Variants in KCNA7 observed in about 807,000 individuals in gnomAD.
The protein encoded by KCNA7 is potassium channel, voltage gated shaker related subfamily A, member 7.
In KCNA7, 15 loss-of-function variants were observed where a neutral mutation model predicts 21.5. The ratio of observed to expected loss-of-function variants is 0.70; its 90% confidence interval spans 0.47 to 1.07. KCNA7 has a LOEUF of 1.07. KCNA7 is among the 50% of genes least tolerant of loss of function. KCNA7 has a pLI of 0.00. For missense variants in KCNA7, 640 were observed against 651.6 expected (o/e 0.98, Z 0.19); for synonymous variants, 298 against 291.0 (o/e 1.02, Z -0.24).
Position 49,071,975 on chromosome 19 carries a change from A to AC in KCNA7, c.555+55dup, listed in dbSNP as rs979894887. The stretch of plus-strand genomic sequence containing the variant: ...TTATGATTGGCCAGGTCCCCTCTGG[A>AC]CCCCGCCCATCTCCTCCCAAACCCC... On this transcript the variant is annotated intron_variant, in intron 1 of 1. Transcript: ENST00000221444. 1.1e-5 allele frequency: 15 copies of AC among 1,374,860 alleles called. No individual in the cohort carries two copies. The Admixed American group carries it at 3.4e-4, about 31-fold the overall frequency. 85.2% of individuals were successfully genotyped at this position (1,374,860 alleles called of 1,614,324 possible).
At chr19:49,071,116 C>T (rs2040254904) in intron 1 of KCNA7, among the ~76,000 whole-genome samples, 1 of 152,104 alleles carries the variant, frequency 6.6e-6, no homozygotes, top group Non-Finnish European at 1.5e-5. Flanking sequence ...CCTGCCCCTT[C>T]ATGCGTGGGA....
Position 49,070,387 on chromosome 19 carries a change from G to C in KCNA7, c.1047C>G (p.Phe349Leu). The stretch of plus-strand genomic sequence containing the variant: ...TAGTCATGGTGACTACCGCCCACCA[G>C]AAGGACTCAGGGATGCTAGTGAAAT... ...DSHFTSIPES[F>L]WWAVVTMTTV... Residue 349 changes from phenylalanine (F) to leucine (L), a missense_variant, in exon 2 of 2, where the codon TTC (phenylalanine) becomes TTG (leucine). Physicochemically the swap from Phe to Leu is conservative, Grantham distance 22 (BLOSUM62 0). Coordinates refer to ENST00000221444, the MANE Select transcript of KCNA7 (RefSeq NM_031886.3). This position sits in a 1 kb window ranked among gnomAD's most constrained non-coding sequence, Gnocchi z 4.3. The C allele has an allele frequency of 6.2e-7, 1 of 1,614,122 alleles. No individual in the cohort carries two copies. Among genetic ancestry groups the C allele is most frequent in the South Asian group, 1.1e-5 (1 of 91,090 alleles).
At chr19:49,071,908 C>CCCCCCTT in intron 1 of KCNA7, 123 bp downstream of exon 1, 1 of 926,960 alleles carries the variant, frequency 1.1e-6, no homozygotes, top group South Asian at 1.6e-5. Context: ...CCCGCCCACC[C>CCCCCCTT]TGTCTTCGGC....
intron 1 of KCNA7, among the ~76,000 whole-genome samples, chr19:49,071,788 C>T (rs921692730): frequency 2.6e-5 from 4 of 152,160 alleles, no homozygotes; most frequent in Non-Finnish European, 4.4e-5. Flanking sequence ...TTCCTGTCCT[C>T]CTACCCCTTG....
At position 49,070,274 on chromosome 19, in the gene KCNA7, G is replaced by A. The variant is rs1484103918; in HGVS notation, c.1160C>T (p.Ser387Phe). 6.2e-7 allele frequency: 1 copy of A among 1,614,192 alleles called. No individual in the cohort carries two copies. Among genetic ancestry groups the A allele is most frequent in the Non-Finnish European group, 8.5e-7 (1 of 1,180,030 alleles). The part of the protein sequence containing the change: ...LCAIAGVLTI[S>F]LPVPVIVSNF... ...GGAGACAATGACGGGCACTGGCAGG[G>A]AAATAGTCAGCACGCCCGCAATGGC... The change falls in exon 2 of 2, where the codon TCC becomes TTC. Residue 387 changes from serine to phenylalanine, a missense_variant. By Grantham distance (155) the Ser-to-Phe change is radical (BLOSUM62 -2). Coordinates refer to ENST00000221444, the MANE Select transcript of KCNA7 (RefSeq NM_031886.3). This position sits in a 1 kb window ranked among gnomAD's most constrained non-coding sequence, Gnocchi z 4.3.
At chr19:49,071,995 A>C (rs2040260825) in intron 1 of KCNA7, 36 bp downstream of exon 1, 1 of 1,508,022 alleles carries the variant, frequency 6.6e-7, no homozygotes, top group Non-Finnish European at 9.0e-7. Flanking sequence ...TCTCCTCCCA[A>C]ACCCCGCCCG....
chr19:49,070,171 A>G lies in KCNA7; in HGVS notation c.1263T>C (p.Cys421=), dbSNP rs762315865. 8 of 1,614,064 alleles carry G rather than the reference A, an allele frequency of 5.0e-6. No homozygotes were observed. The African/African-American group carries it at 9.3e-5, about 19-fold the overall frequency. ...GMFSHVDMQP[C]GPLEGKANGG... ...CATTGGCCTTGCCCTCCAGTGGGCC[A>G]CAAGGCTGCATGTCCACATGGCTGA... Residue 421 remains cysteine (C), a synonymous_variant, in exon 2 of 2, where the codon TGT becomes TGC. Transcript: ENST00000221444. The surrounding 1 kb of genome is among the most constrained non-coding windows in gnomAD (Gnocchi z 4.3).
chr19:49,070,833 G>A lies in KCNA7; in HGVS notation c.601C>T (p.Pro201Ser), dbSNP rs779961799. ...AACGGGTCATTGAAGGGCAGGCGGG[G>A]TGGATTTCCAGGCATTTGGCTGGAG... ...NGSSQMPGNP[P>S]RLPFNDPFFV... The change falls in exon 2 of 2, where the codon CCC becomes TCC. Residue 201 changes from proline (P) to serine (S), a missense_variant. Pro to Ser is a moderately conservative substitution (Grantham distance 74, BLOSUM62 -1). Coordinates refer to ENST00000221444, the MANE Select transcript of KCNA7 (RefSeq NM_031886.3). The surrounding 1 kb of genome is among the most constrained non-coding windows in gnomAD (Gnocchi z 4.3). 1.9e-6 allele frequency: 3 copies of A among 1,614,112 alleles called. No homozygotes were observed. Among genetic ancestry groups the A allele is most frequent in the Middle Eastern group, 1.7e-4 (1 of 6,058 alleles).
Position 49,072,220 on chromosome 19 carries a change from G to A in KCNA7, c.366C>T (p.Arg122=). Residue 122 remains arginine (R), a synonymous_variant, in exon 1 of 2, where the codon CGC becomes CGT. Coordinates refer to ENST00000221444, the MANE Select transcript of KCNA7 (RefSeq NM_031886.3). ...GCCACAGCTGGCGGGCGAAGGCGCG[G>A]CGGGGCAGGGGGCGCTCGGGCGGCA... ...CPVPPERPLP[R]RAFARQLWLL... is the part of the protein sequence containing the mutation. 1 of 1,606,674 alleles carries A rather than the reference G, an allele frequency of 6.2e-7. No individual in the cohort carries two copies. The highest frequency in any genetic ancestry group is 8.5e-7 in the Non-Finnish European group (1 of 1,177,204).
intron 1 of KCNA7, among the ~76,000 whole-genome samples, chr19:49,071,295 C>A (rs1017306052): frequency 6.6e-6 from 1 of 152,094 alleles, no homozygotes; most frequent in Non-Finnish European, 1.5e-5. Context: ...CGGTGGCTCA[C>A]GTCTGTAATC....
At position 49,072,267 on chromosome 19, in the gene KCNA7, G is replaced by A. The variant is rs1395558144; in HGVS notation, c.319C>T (p.Arg107Cys). ...GGCACCGGGCAGCCCTCGTCCTCGC[G>A]CAGGCGTGCCAGGGCCGCCGCGCCC... Reference protein sequence around the residue: ...GLGAAALARLREDEGCPVPPE... With the variant: ...GLGAAALARLCEDEGCPVPPE... Residue 107 changes from arginine to cysteine, a missense_variant, in exon 1 of 2, where the codon CGC becomes TGC. Arg to Cys is a radical substitution (Grantham distance 180, BLOSUM62 -3). Coordinates refer to ENST00000221444, the MANE Select transcript of KCNA7 (RefSeq NM_031886.3). The A allele has an allele frequency of 1.9e-6, 3 of 1,586,610 alleles. No homozygotes were observed. Among genetic ancestry groups the A allele is most frequent in the African/African-American group, 1.4e-5 (1 of 73,106 alleles).
rs778668555 is a variant in KCNA7, at chr19:49,072,175, C to G, written c.411G>C (p.Glu137Asp). 1.9e-6 allele frequency: 3 copies of G among 1,611,758 alleles called. No individual in the cohort carries two copies. Among genetic ancestry groups the G allele is most frequent in the Non-Finnish European group, 2.5e-6 (3 of 1,179,540 alleles). ...RQLWLLFEFP[E>D]SSQAARVLAV... The stretch of plus-strand genomic sequence containing the variant: ...CGAGCACGCGCGCGGCCTGAGAGCT[C>G]TCGGGAAACTCGAAAAGCAGCCACA... The change falls in exon 1 of 2, where the codon GAG (glutamate) becomes GAC (aspartate). Residue 137 changes from glutamate (E) to aspartate (D), a missense_variant. Coordinates refer to ENST00000221444, the MANE Select transcript of KCNA7 (RefSeq NM_031886.3).
intron 1 of KCNA7, 89 bp downstream of exon 1, chr19:49,071,942 G>A (rs891705500): frequency 3.1e-6 from 4 of 1,304,608 alleles, no homozygotes; most frequent in Non-Finnish European, 4.2e-6. Context: ...GCAGCCCCTG[G>A]CCCCGCCTTA....
Position 49,067,924 on chromosome 19 carries a change from G to C in KCNA7, c.*2139C>G, listed in dbSNP as rs2040228898. 1 of 150,412 alleles carries C rather than the reference G, an allele frequency of 6.6e-6. No homozygotes were observed. The highest frequency in any genetic ancestry group is 2.1e-4 in the South Asian group (1 of 4,744). 9.3% of individuals were successfully genotyped at this position (150,412 alleles called of 1,614,324 possible). On this transcript the variant is annotated 3_prime_UTR_variant, in exon 2 of 2. Transcript: ENST00000221444. Reference sequence around the variant, plus strand: ...TTCTTTTCTTTTTTTTTTTGAGACAGAGTGTTGCTCTGCTGCCCAGGCTGG... The same window carrying C: ...TTCTTTTCTTTTTTTTTTTGAGACACAGTGTTGCTCTGCTGCCCAGGCTGG...
At chr19:49,071,100 G>A (rs1162905839) in intron 1 of KCNA7, among the ~76,000 whole-genome samples, 1 of 152,106 alleles carries the variant, frequency 6.6e-6, no homozygotes, top group Non-Finnish European at 1.5e-5. Flanking sequence ...GGCTGGAGAC[G>A]TGGTCCCTGC....
chr19:49,070,253 A>G lies in KCNA7; in HGVS notation c.1181T>C (p.Val394Ala). ...GTGATAAAAGTAGCTGAAATTGGAGACAATGACGGGCACTGGCAGGGAAAT... is the reference window on the plus strand; with the variant it reads ...GTGATAAAAGTAGCTGAAATTGGAGGCAATGACGGGCACTGGCAGGGAAAT... The part of the protein sequence containing the change: ...LTISLPVPVI[V>A]SNFSYFYHRE... The change falls in exon 2 of 2, where the codon GTC becomes GCC. Residue 394 changes from valine (V) to alanine (A), a missense_variant. Coordinates refer to ENST00000221444, the MANE Select transcript of KCNA7 (RefSeq NM_031886.3). The surrounding 1 kb of genome is among the most constrained non-coding windows in gnomAD (Gnocchi z 4.3). 6.2e-7 allele frequency: 1 copy of G among 1,614,152 alleles called. No homozygotes were observed. The highest frequency in any genetic ancestry group is 8.5e-7 in the Non-Finnish European group (1 of 1,180,028).
At position 49,072,124 on chromosome 19, in the gene KCNA7, G is replaced by A. The variant is rs373588713; in HGVS notation, c.462C>T (p.Leu154=). The change falls in exon 1 of 2, where the codon CTC becomes CTT. Residue 154 remains leucine, a synonymous_variant. Coordinates refer to ENST00000221444, the MANE Select transcript of KCNA7 (RefSeq NM_031886.3). ...VLAVVSVLVI[L]VSIVVFCLET... ...CGAGGCAGAAGACGACGATGGAGAC[G>A]AGGATGACCAGCACGGAGACTACGG... 2.5e-6 allele frequency: 4 copies of A among 1,612,354 alleles called. No homozygotes were observed. The highest frequency in any genetic ancestry group is 1.6e-4 in the Middle Eastern group (1 of 6,084).
At position 49,070,170 on chromosome 19, in the gene KCNA7, C is replaced by T. The variant is rs1239833531; in HGVS notation, c.1264G>A (p.Gly422Ser). The T allele has an allele frequency of 6.2e-7, 1 of 1,614,192 alleles. No homozygotes were observed. Among genetic ancestry groups the T allele is most frequent in the Non-Finnish European group, 8.5e-7 (1 of 1,180,028 alleles). Residue 422 changes from glycine to serine, a missense_variant, in exon 2 of 2, where the codon GGC (glycine) becomes AGC (serine). Gly to Ser is a moderately conservative substitution (Grantham distance 56, BLOSUM62 0). Transcript: ENST00000221444. The surrounding 1 kb of genome is among the most constrained non-coding windows in gnomAD (Gnocchi z 4.3). ...MFSHVDMQPC[G>S]PLEGKANGGL... ...CCATTGGCCTTGCCCTCCAGTGGGCCACAAGGCTGCATGTCCACATGGCTG... is the reference window on the plus strand; with the variant it reads ...CCATTGGCCTTGCCCTCCAGTGGGCTACAAGGCTGCATGTCCACATGGCTG...
At chr19:49,071,920 G>A in intron 1 of KCNA7, 111 bp downstream of exon 1, 1 of 872,160 alleles carries the variant, frequency 1.1e-6, no homozygotes, top group Non-Finnish European at 1.7e-6. Flanking sequence ...GTCTTCGGCT[G>A]GCCCACCCCT....
Sources: allele counts gnomAD v4.1 joint callset (sites outside exome capture counted in the v4.1 genomes callset), GRCh38; gene constraint gnomAD v4.1.1; non-coding constraint Gnocchi (gnomAD v3.1); transcripts MANE v1.5; gene names NCBI Gene and HGNC (gene_info 2026-07-23, HGNC 2026-07-21).